Variants in RBFOX1 observed in about 807,000 individuals in gnomAD.
RBFOX1 encodes RNA binding protein fox-1 homolog 1.
A neutral mutation model predicts 57.7 loss-of-function variants in RBFOX1; 8 were observed. The observed-to-expected ratio is 0.14, with a 90% CI of 0.08 to 0.25. The LOEUF (loss-of-function observed/expected upper bound fraction) is 0.25, where lower values mean the gene tolerates loss of function less well. Among genes scored for constraint, RBFOX1 ranks in the 10% least tolerant of loss-of-function variants. The pLI, the probability that RBFOX1 is intolerant of heterozygous loss-of-function variation, is 1.00. For missense variants in RBFOX1, 611 were observed against 548.5 expected (o/e 1.11, Z -1.14); for synonymous variants, 326 against 222.4 (o/e 1.47, Z -4.15).
intron 4 of RBFOX1, among the ~76,000 whole-genome samples, chr16:5,876,597 T>C (rs1051477415): frequency 1.3e-5 from 2 of 152,208 alleles, no homozygotes; most frequent in Admixed American, 1.3e-4. Context: ...ACCAGCCTCG[T>C]TGACTGCCTG....
intron 1 of RBFOX1, among the ~76,000 whole-genome samples, chr16:6,227,108 G>T (rs1462048016): frequency 6.6e-6 from 1 of 151,724 alleles, no homozygotes; most frequent in Non-Finnish European, 1.5e-5. Context: ...TAGGTGACAG[G>T]GCGAGACTCT....
chr16:5,822,061 T>G (rs1426830757), intron 3 of RBFOX1, among the ~76,000 whole-genome samples: 1 of 152,230 alleles, frequency 6.6e-6, no homozygotes, highest in Non-Finnish European at 1.5e-5. Context: ...AAGTTGTTTA[T>G]AAATTGGGTT....
At chr16:6,654,781 ACAAT>A in intron 3 of RBFOX1, 131 bp downstream of exon 3, 1 of 606,646 alleles carries the variant, frequency 1.6e-6, no homozygotes, top group Non-Finnish European at 2.6e-6. Context: ...ATATTTAAAG[ACAAT>A]CAGACTTAAA....
intron 4 of RBFOX1, among the ~76,000 whole-genome samples, chr16:7,077,191 A>G (rs1443857609): frequency 1.3e-5 from 2 of 152,214 alleles, no homozygotes; most frequent in African/African-American, 4.8e-5. Context: ...AGCTGCGCAC[A>G]TAATGCTCCA....
At chr16:7,475,034 C>T (rs1481728642) in intron 4 of RBFOX1, among the ~76,000 whole-genome samples, 1 of 152,154 alleles carries the variant, frequency 6.6e-6, no homozygotes, top group East Asian at 1.9e-4. Context: ...CTGTTGATAA[C>T]AAAGACAGGT....
chr16:7,502,982 C>T (rs2071492640), intron 4 of RBFOX1, among the ~76,000 whole-genome samples: 1 of 152,062 alleles, frequency 6.6e-6, no homozygotes, highest in South Asian at 2.1e-4. Flanking sequence ...GAGGTCACAC[C>T]ACTGCACTCC....
intron 3 of RBFOX1, among the ~76,000 whole-genome samples, chr16:6,852,559 A>C (rs890145294): frequency 1.3e-5 from 2 of 152,226 alleles, no homozygotes; most frequent in African/African-American, 4.8e-5. Context: ...CATGGTGGCA[A>C]CTAGCTGTCC....
At chr16:7,052,156 A>G in intron 4 of RBFOX1, 58 bp downstream of exon 4, 2 of 1,571,266 alleles carry the variant, frequency 1.3e-6, no homozygotes, top group Non-Finnish European at 1.7e-6. Flanking sequence ...GATAAGCAAA[A>G]ATTTCCTTGT....
intron 3 of RBFOX1, among the ~76,000 whole-genome samples, chr16:6,925,476 A>ATTTG (rs956863207): frequency 3.3e-5 from 5 of 150,896 alleles, no homozygotes; most frequent in African/African-American, 1.2e-4. Flanking sequence ...TTATTTATTT[A>ATTTG]TTTATTGTCC....
chr16:7,042,009 C>G (rs2046338053), intron 3 of RBFOX1, among the ~76,000 whole-genome samples: 2 of 152,146 alleles, frequency 1.3e-5, no homozygotes, highest in Non-Finnish European at 2.9e-5. Flanking sequence ...CTTCCTTAGT[C>G]TGATTCCTTA....
chr16:6,565,488 AC>A (rs1382269835), intron 2 of RBFOX1, among the ~76,000 whole-genome samples: 1 of 151,298 alleles, frequency 6.6e-6, no homozygotes, highest in Non-Finnish European at 1.5e-5. Context: ...CGATCTCCTG[AC>A]CTCGTGATCC....
intron 3 of RBFOX1, among the ~76,000 whole-genome samples, chr16:6,836,235 C>G (rs1353254875): frequency 1.3e-5 from 2 of 152,184 alleles, no homozygotes; most frequent in African/African-American, 2.4e-5. Flanking sequence ...AGTTGTCTAA[C>G]AGTCCTAACT....
chr16:6,184,732 T>A (rs200493505), intron 1 of RBFOX1, among the ~76,000 whole-genome samples: 1 of 151,456 alleles, frequency 6.6e-6, no homozygotes, highest in Non-Finnish European at 1.5e-5. Context: ...GCTCATTTTT[T>A]TTTTTTTTGT....
intron 3 of RBFOX1, among the ~76,000 whole-genome samples, chr16:6,880,506 G>C (rs1603635920): frequency 6.6e-6 from 1 of 152,192 alleles, no homozygotes; most frequent in Non-Finnish European, 1.5e-5. Flanking sequence ...GGGCCAGGTA[G>C]AGAGATTTCC....
intron 3 of RBFOX1, among the ~76,000 whole-genome samples, chr16:7,028,157 A>C (rs979973441): frequency 2.0e-5 from 3 of 152,188 alleles, no homozygotes; most frequent in Non-Finnish European, 4.4e-5. Flanking sequence ...GTCCAATATA[A>C]TAATTGGCTT....
In RBFOX1 at chr16:6,801,019, A is replaced by C. The variant is rs761663821; in HGVS notation, c.-16+146369A>C. Among the ~76,000 whole-genome samples, 7 of 152,100 alleles carry C rather than the reference A, an allele frequency of 4.6e-5. 1 individual carries two copies. The highest frequency in any genetic ancestry group is 8.8e-5 in the Non-Finnish European group (6 of 68,008). ...TTCAATAAATGAAAAAGTGAGAATC[A>C]TTTAATTCAATGATACTTAAACTTG... is the stretch of plus-strand genomic sequence containing the variant. On this transcript the variant is annotated intron_variant, in intron 3 of 15. Coordinates refer to ENST00000550418, the MANE Select transcript of RBFOX1 (RefSeq NM_018723.4).
chr16:6,285,415 T>C (rs2076800413), intron 1 of RBFOX1, among the ~76,000 whole-genome samples: 1 of 152,198 alleles, frequency 6.6e-6, no homozygotes. Flanking sequence ...GTCTTCATGC[T>C]GACAGGAGTA....
At chr16:6,236,544 C>T (rs1053043949) in intron 1 of RBFOX1, among the ~76,000 whole-genome samples, 5 of 152,080 alleles carry the variant, frequency 3.3e-5, no homozygotes, top group Admixed American at 6.6e-5. Context: ...AAGTGACTCC[C>T]CTGCCTCAGT....
Position 6,759,473 on chromosome 16 carries a change from C to CTCTGTG in RBFOX1, c.-16+104824_-16+104825insCTGTGT, listed in dbSNP as rs758046729. Reference sequence around the variant, plus strand: ...CTTCATTTCTTGATATGTCAGTTGTCTGTGTGTGTGTGTGTGTGTGTGTGT... The same window carrying CTCTGTG: ...CTTCATTTCTTGATATGTCAGTTGTCTCTGTGTGTGTGTGTGTGTGTGTGTGTGTGT... On this transcript the variant is annotated intron_variant, in intron 3 of 15. Coordinates refer to ENST00000550418, the MANE Select transcript of RBFOX1 (RefSeq NM_018723.4). 3.3e-3 allele frequency among the ~76,000 whole-genome samples: 467 copies of CTCTGTG among 143,188 alleles called. 5 individuals carry two copies. The highest frequency in any genetic ancestry group is 8.4e-3 in the African/African-American group (315 of 37,306). The allele number at this position is 143,188 out of a possible 152,430, so 93.9% of individuals were successfully genotyped here.
Sources: allele counts gnomAD v4.1 joint callset (sites outside exome capture counted in the v4.1 genomes callset), GRCh38; gene constraint gnomAD v4.1.1; transcripts MANE v1.5; gene names NCBI Gene and HGNC (gene_info 2026-07-23, HGNC 2026-07-21).